The following TMEM163 variants were observed in gnomAD, a reference collection of about 807,000 sequenced individuals.
TMEM163 encodes the protein transmembrane protein 163.
Under a neutral mutation model 29.3 loss-of-function variants are expected in TMEM163, and 17 were observed. The ratio of observed to expected loss-of-function variants is 0.58; its 90% confidence interval spans 0.40 to 0.87. TMEM163 has a LOEUF of 0.87. TMEM163 is among the 40% of genes least tolerant of loss of function. TMEM163 has a pLI of 0.00. For synonymous variants in TMEM163, 157 were observed against 160.6 expected (o/e 0.98, Z 0.17); for missense variants, 303 against 381.5 (o/e 0.79, Z 1.71).
intron 1 of TMEM163, among the ~76,000 whole-genome samples, chr2:134,714,921 A>G (rs1685005155): frequency 6.6e-6 from 1 of 152,168 alleles, no homozygotes; most frequent in South Asian, 2.1e-4. Flanking sequence ...CTATACAATC[A>G]CCAGTTATAG....
rs115538637 is a variant in TMEM163 at position 134,526,472 on chromosome 2, A to G, written c.459-23475T>C. Among the ~76,000 whole-genome samples, 282 of 152,326 alleles carry G rather than the reference A, an allele frequency of 1.9e-3. 2 individuals are homozygous for G. The highest frequency in any genetic ancestry group is 6.8e-3 in the Middle Eastern group (2 of 294). On this transcript the variant is annotated intron_variant, in intron 4 of 7. Coordinates refer to ENST00000281924, the MANE Select transcript of TMEM163 (RefSeq NM_030923.5). ...ATAAATCGGAGAAGGTTTCACAGAA[A>G]AACCTACAAACCCTATCACCAAAAG...
chr2:134,622,810 T>A (rs1432503054), intron 2 of TMEM163, among the ~76,000 whole-genome samples: 2 of 152,180 alleles, frequency 1.3e-5, no homozygotes, highest in Non-Finnish European at 2.9e-5. Context: ...TTGCCCAGAC[T>A]GGAGTGGAGT....
chr2:134,544,552 G>C (rs1680739832), intron 4 of TMEM163, among the ~76,000 whole-genome samples: 1 of 152,160 alleles, frequency 6.6e-6, no homozygotes, highest in South Asian at 2.1e-4. Flanking sequence ...CCAACACTTT[G>C]GAAGGCCAAG....
chr2:134,554,721 G>A (rs1161106975), intron 2 of TMEM163, among the ~76,000 whole-genome samples: 7 of 152,152 alleles, frequency 4.6e-5, no homozygotes, highest in Non-Finnish European at 7.3e-5. Flanking sequence ...GGGTGTCCCC[G>A]ACTCAATTGG....
At chr2:134,639,970 C>T (rs1018408607) in intron 2 of TMEM163, among the ~76,000 whole-genome samples, 3 of 152,116 alleles carry the variant, frequency 2.0e-5, no homozygotes, top group Admixed American at 6.6e-5. Context: ...ACTTACAATT[C>T]AATTTTCCTT....
chr2:134,502,793 C>A (rs1558925110), intron 5 of TMEM163, 108 bp downstream of exon 5: 2 of 856,396 alleles, frequency 2.3e-6, no homozygotes, highest in Non-Finnish European at 3.6e-6. Context: ...AGAATGTTGT[C>A]TGTTCCCTCT....
rs140872297 is a variant in TMEM163, at chr2:134,551,781, G to A, written c.366+267C>T. Among the ~76,000 whole-genome samples, 115 of 152,300 alleles carry A rather than the reference G, an allele frequency of 7.6e-4. 1 individual carries two copies. The South Asian group carries it at 0.011, about 15-fold the overall frequency. ...CACATACAACCTGGAAGGTAAAAAA[G>A]GGCTAAAATGCCCAAAACATCCTCT... is the stretch of plus-strand genomic sequence containing the variant. On this transcript the variant is annotated intron_variant, in intron 3 of 7. Coordinates refer to ENST00000281924, the MANE Select transcript of TMEM163 (RefSeq NM_030923.5).
At chr2:134,580,987 G>A (rs535201497) in intron 2 of TMEM163, among the ~76,000 whole-genome samples, 95 of 152,230 alleles carry the variant, frequency 6.2e-4, no homozygotes, top group African/African-American at 2.1e-3. Flanking sequence ...CTCTCCAGGC[G>A]GGGCTTCATG....
In TMEM163 at chr2:134,573,997, C is replaced by T. The variant is rs1404754107; in HGVS notation, c.323-21906G>A. Among the ~76,000 whole-genome samples the T allele has an allele frequency of 6.6e-5, 10 of 152,208 alleles. No individual in the cohort carries two copies. In the South Asian group the frequency reaches 1.2e-3, roughly 19 times the overall value. ...TATTATGTGGCCTGTGTTCCAGAGC[C>T]TCTGGCTACTGCCCAGAAGTTTGTG... On this transcript the variant is annotated intron_variant, in intron 2 of 7. Coordinates refer to ENST00000281924, the MANE Select transcript of TMEM163 (RefSeq NM_030923.5).
At chr2:134,594,953 T>G (rs562471898) in intron 2 of TMEM163, among the ~76,000 whole-genome samples, 1 of 151,768 alleles carries the variant, frequency 6.6e-6, no homozygotes, top group African/African-American at 2.4e-5. Context: ...AGAAGCAATA[T>G]AGCAAGGTAA....
chr2:134,658,804 A>C (rs1683681206), intron 2 of TMEM163, among the ~76,000 whole-genome samples: 1 of 152,132 alleles, frequency 6.6e-6, no homozygotes, highest in African/African-American at 2.4e-5. Context: ...TCACCGTGTT[A>C]GCCAGGATGG....
At chr2:134,551,817 C>A (rs992158045) in intron 3 of TMEM163, among the ~76,000 whole-genome samples, 1 of 152,332 alleles carries the variant, frequency 6.6e-6, no homozygotes, top group African/African-American at 2.4e-5. Flanking sequence ...CACCCAACCA[C>A]GTTGTGGGAA....
At chr2:134,524,694 T>A (rs1163593923) in intron 4 of TMEM163, among the ~76,000 whole-genome samples, 1 of 150,388 alleles carries the variant, frequency 6.6e-6, no homozygotes, top group South Asian at 2.2e-4. Context: ...GCAAAGGACA[T>A]GATCTCATTC....
intron 2 of TMEM163, among the ~76,000 whole-genome samples, chr2:134,687,993 A>G (rs1684382971): frequency 6.6e-6 from 1 of 152,162 alleles, no homozygotes; most frequent in South Asian, 2.1e-4. Flanking sequence ...GGAACCAAGG[A>G]AGGCCAGATA....
intron 5 of TMEM163, among the ~76,000 whole-genome samples, chr2:134,480,905 G>T (rs575052899): frequency 3.9e-5 from 6 of 152,130 alleles, no homozygotes; most frequent in Non-Finnish European, 8.8e-5. Flanking sequence ...TGTTGAATTT[G>T]ATAAATTCTG....
At chr2:134,510,978 A>G (rs1287572447) in intron 4 of TMEM163, among the ~76,000 whole-genome samples, 1 of 152,200 alleles carries the variant, frequency 6.6e-6, no homozygotes, top group Non-Finnish European at 1.5e-5. Flanking sequence ...CTCGTGGCCC[A>G]AGGTCTTCCA....
chr2:134,488,504 A>T (rs1282009083), intron 5 of TMEM163, among the ~76,000 whole-genome samples: 1 of 152,216 alleles, frequency 6.6e-6, no homozygotes, highest in East Asian at 1.9e-4. Context: ...GTGAACTGCC[A>T]GGAGCTCTCA....
chr2:134,671,731 G>T (rs770052845), intron 2 of TMEM163, among the ~76,000 whole-genome samples: 3 of 152,168 alleles, frequency 2.0e-5, no homozygotes, highest in Non-Finnish European at 4.4e-5. Context: ...CATGAATATG[G>T]GCCACAGCCC....
chr2:134,597,857 C>T (rs1574268292), intron 2 of TMEM163, among the ~76,000 whole-genome samples: 4 of 152,222 alleles, frequency 2.6e-5, no homozygotes, highest in Admixed American at 1.3e-4. Context: ...GTGTATGTGT[C>T]GAGGAGTTTA....
Sources: gnomAD v4.1 joint callset for allele counts (sites outside exome capture counted in the v4.1 genomes callset) on GRCh38, gnomAD v4.1.1 for gene constraint, MANE v1.5 for transcripts, NCBI Gene and HGNC (gene_info 2026-07-23, HGNC 2026-07-21) for gene names.